Variants in ITIH4 observed in about 807,000 individuals in gnomAD.
ITIH4 encodes inter-alpha-trypsin inhibitor heavy chain H4.
ITIH4 carries 79 observed loss-of-function variants against 111.8 expected under a neutral mutation model. That is an observed-to-expected ratio of 0.71 (90% CI 0.59 to 0.85). The LOEUF (loss-of-function observed/expected upper bound fraction) is 0.85. Among genes scored for constraint, ITIH4 ranks in the 40% least tolerant of loss-of-function variants. The probability of loss-of-function intolerance (pLI) is 0.00; values close to 1 mark genes in which losing one functional copy is unlikely to be tolerated. For synonymous variants in ITIH4, 472 were observed against 468.3 expected, an observed-to-expected ratio of 1.01 and a Z score of -0.10; for missense variants, 1,065 against 1,195.8, an observed-to-expected ratio of 0.89 and a Z score of 1.61.
chr3:52,824,599 A>G lies in ITIH4; in HGVS notation c.877-34T>C. 6.3e-7 allele frequency: 1 copy of G among 1,590,336 alleles called. No homozygotes were observed. The highest frequency in any genetic ancestry group is 2.2e-5 in the East Asian group (1 of 44,576). On this transcript the variant is annotated intron_variant, in intron 7 of 23. Coordinates refer to ENST00000266041, the MANE Select transcript of ITIH4 (RefSeq NM_002218.5). This position sits in a 1 kb window ranked among gnomAD's most constrained non-coding sequence, Gnocchi z 4.3. Reference sequence around the variant, plus strand: ...GGAGAGGAAACATAGGTGCTTCAGAAGGGCTCCCTGAGGGCTCGTGTGCCC... The same window carrying G: ...GGAGAGGAAACATAGGTGCTTCAGAGGGGCTCCCTGAGGGCTCGTGTGCCC...
intron 4 of ITIH4, 36 bp downstream of exon 4, chr3:52,826,755 G>T (rs1700484912): frequency 6.2e-7 from 1 of 1,613,534 alleles, no homozygotes; most frequent in Admixed American, 1.7e-5. Context: ...CAAGGGTCAT[G>T]CAGGAGGCCT....
intron 21 of ITIH4, among the ~76,000 whole-genome samples, chr3:52,815,744 G>A (rs1296271394): frequency 6.6e-6 from 1 of 151,380 alleles, no homozygotes; most frequent in Non-Finnish European, 1.5e-5. Flanking sequence ...CCAGGCTGGA[G>A]CGCAGTGGTG....
In ITIH4 at chr3:52,830,535, C is replaced by T; in HGVS notation, c.90+18G>A. The T allele has an allele frequency of 1.9e-6, 3 of 1,611,412 alleles. No homozygotes were observed. Among genetic ancestry groups the T allele is most frequent in the Non-Finnish European group, 1.7e-6 (2 of 1,177,516 alleles). On this transcript the variant is annotated intron_variant, in intron 1 of 23. Transcript: ENST00000266041. ...CTCTCATCCCCCAGCTCACGCCACA[C>T]CCATGGACACTGGCTACCTTTTCGG...
rs200417466 is a variant in ITIH4, at chr3:52,823,968, C to T, written c.1208G>A (p.Arg403Gln). Residue 403 changes from arginine (R) to glutamine (Q), a missense_variant, in exon 10 of 24, where the codon CGG (arginine) becomes CAG (glutamine). Physicochemically the swap from Arg to Gln is conservative, Grantham distance 43. Transcript: ENST00000266041. The part of the protein sequence containing the change: ...TNPRSIQNNV[R>Q]EAVSGRYSLF... ...GCTGTACCGGCCACTTACAGCTTCC[C>T]GCACGTTATTCTGGATGCTCCTGGG... 27 of 1,586,018 alleles carry T rather than the reference C, an allele frequency of 1.7e-5. No homozygotes were observed. The highest frequency in any genetic ancestry group is 1.6e-4 in the South Asian group (14 of 85,180).
intron 11 of ITIH4, chr3:52,822,254 A>T (rs1285965519): frequency 6.6e-6 from 1 of 152,128 alleles, no homozygotes; most frequent in Non-Finnish European, 1.5e-5. Flanking sequence ...GAGGCAGGAG[A>T]ATGGTGTGAA....
chr3:52,823,756 G>C lies in ITIH4; in HGVS notation c.1354-15C>G. 1 of 1,614,022 alleles carries C rather than the reference G, an allele frequency of 6.2e-7. No individual in the cohort carries two copies. The highest frequency in any genetic ancestry group is 8.5e-7 in the Non-Finnish European group (1 of 1,179,932). On this transcript the variant is annotated splice_polypyrimidine_tract_variant and intron_variant, in intron 10 of 23. Transcript: ENST00000266041. ...TGGTAGAAGTCCTGCAGGGTTGGGG[G>C]TGTCATAAAGGCTGGGCTTTATGAC...
chr3:52,818,338 T>TGAGG (rs1332054900), intron 18 of ITIH4, 55 bp from the exon 19 acceptor site: 1 of 1,573,040 alleles, frequency 6.4e-7, no homozygotes, highest in African/African-American at 1.4e-5. Context: ...AGTGGGAGGT[T>TGAGG]GAGGGAGGGA....
intron 2 of ITIH4, among the ~76,000 whole-genome samples, chr3:52,828,496 TA>T (rs1184823480): frequency 1.3e-5 from 2 of 152,348 alleles, no homozygotes; most frequent in East Asian, 3.9e-4. Flanking sequence ...GCCCTTGTCC[TA>T]AATCACAGCT....
intron 15 of ITIH4, 36 bp from the exon 16 acceptor site, chr3:52,819,828 T>A: frequency 6.2e-7 from 1 of 1,613,098 alleles, no homozygotes; most frequent in Non-Finnish European, 8.5e-7. Flanking sequence ...ACAACTGAAC[T>A]GAGGCCCGAG....
rs777452671 is a variant in ITIH4, at chr3:52,829,147, T to G, written c.223A>C (p.Lys75Gln). 1 of 1,611,290 alleles carries G rather than the reference T, an allele frequency of 6.2e-7. No individual in the cohort carries two copies. Among genetic ancestry groups the G allele is most frequent in the East Asian group, 2.2e-5 (1 of 44,750 alleles). Reference protein sequence around the residue: ...QEATFQMELPKKAFITNFSMI... With the variant: ...QEATFQMELPQKAFITNFSMI... ...GAGAAGTTGGTGATGAAGGCTTTCT[T>G]GGGCAGCTCCATCTGGAAGGTGGCC... Residue 75 changes from lysine (K) to glutamine (Q), a missense_variant, in exon 2 of 24, where the codon AAG becomes CAG. Coordinates refer to ENST00000266041, the MANE Select transcript of ITIH4 (RefSeq NM_002218.5).
rs372455954 is a variant in ITIH4, at chr3:52,824,990, C to A, written c.760-32G>T. 3.4e-6 allele frequency: 5 copies of A among 1,478,526 alleles called. No individual in the cohort carries two copies. Among genetic ancestry groups the A allele is most frequent in the Non-Finnish European group, 3.7e-6 (4 of 1,066,932 alleles). 91.6% of individuals were successfully genotyped at this position (1,478,526 alleles called of 1,614,324 possible). On this transcript the variant is annotated intron_variant, in intron 6 of 23. Coordinates refer to ENST00000266041, the MANE Select transcript of ITIH4 (RefSeq NM_002218.5). This position sits in a 1 kb window ranked among gnomAD's most constrained non-coding sequence, Gnocchi z 4.3. ...CCAGAGTGAGACCCACCCAGGCCAT[C>A]AGAGCTACAATTGGCCCTATCCCCA...
intron 11 of ITIH4, 77 bp from the exon 12 acceptor site, chr3:52,821,207 C>G (rs1700375314): frequency 6.5e-7 from 1 of 1,539,136 alleles, no homozygotes; most frequent in Non-Finnish European, 8.8e-7. Context: ...CTGAGCTCTT[C>G]CATGATTGGG....
In ITIH4 at chr3:52,813,600, TC is replaced by T. The variant is rs1478347746; in HGVS notation, c.2724-111del. 7.3e-6 allele frequency: 7 copies of T among 958,068 alleles called. No individual in the cohort carries two copies. In the African/African-American group the frequency reaches 9.7e-5, roughly 13 times the overall value. The allele number at this position is 958,068 out of a possible 1,614,324, so 59.3% of individuals were successfully genotyped here. A position where few individuals can be genotyped will look rare whatever the true frequency, so the allele number is the denominator to read the frequency against. The stretch of plus-strand genomic sequence containing the variant: ...ACATGGAGGGCAGGGAGTCCTGGCG[TC>T]CCTTTAGAATTCCCTCCAGCATAGG... On this transcript the variant is annotated intron_variant, in intron 23 of 23. Transcript: ENST00000266041.
chr3:52,829,431 G>T (rs1205440732), intron 1 of ITIH4, 152 bp from the exon 2 acceptor site: 2 of 739,850 alleles, frequency 2.7e-6, no homozygotes, highest in African/African-American at 3.5e-5. Context: ...GCTGAACCCA[G>T]TGAGGCATCT....
chr3:52,813,418 G>A lies in ITIH4; in HGVS notation c.*3C>T. On this transcript the variant is annotated 3_prime_UTR_variant, in exon 24 of 24. Transcript: ENST00000266041. The stretch of plus-strand genomic sequence containing the variant: ...AGGGTGGGCACAGCTCCTTCCATCA[G>A]AACTACAGCTCCACAGACCAGCAGG... The A allele has an allele frequency of 6.2e-7, 1 of 1,613,972 alleles. No homozygotes were observed. Among genetic ancestry groups the A allele is most frequent in the Non-Finnish European group, 8.5e-7 (1 of 1,179,870 alleles).
At chr3:52,828,939 A>G (rs1169815105) in intron 2 of ITIH4, among the ~76,000 whole-genome samples, 180 bp downstream of exon 2, 3 of 152,178 alleles carry the variant, frequency 2.0e-5, no homozygotes, top group Non-Finnish European at 4.4e-5. Context: ...GGACGGGGGC[A>G]TCTTTGAGAA....
chr3:52,828,373 G>A (rs758686186), intron 2 of ITIH4, among the ~76,000 whole-genome samples: 59 of 152,314 alleles, frequency 3.9e-4, no homozygotes, highest in African/African-American at 1.3e-3. Context: ...GATGCTTGGC[G>A]CCTGAGGGAG....
At position 52,824,616 on chromosome 3, in the gene ITIH4, C is replaced by T. The variant is rs770518212; in HGVS notation, c.877-51G>A. ...GCTTCAGAAGGGCTCCCTGAGGGCT[C>T]GTGTGCCCTAGGGCTGGCATCCTTG... On this transcript the variant is annotated intron_variant, in intron 7 of 23. Coordinates refer to ENST00000266041, the MANE Select transcript of ITIH4 (RefSeq NM_002218.5). The surrounding 1 kb of genome is among the most constrained non-coding windows in gnomAD (Gnocchi z 4.3). The T allele has an allele frequency of 1.8e-5, 28 of 1,563,916 alleles. No individual in the cohort carries two copies. The highest frequency in any genetic ancestry group is 9.0e-5 in the East Asian group (4 of 44,438).
rs369806581 is a variant in ITIH4, at chr3:52,823,879, T to C, written c.1297A>G (p.Asn433Asp). The change falls in exon 10 of 24, where the codon AAT (asparagine) becomes GAT (aspartate). Residue 433 changes from asparagine (N) to aspartate (D), a missense_variant. Asn to Asp is a conservative substitution (Grantham distance 23, BLOSUM62 1). Transcript: ENST00000266041. ...TGGATGCGCCGGGCCAGGCCGCCAT[T>C]GTCCAGTGCCAGCTTCTCCAGGAAG... ...YAFLEKLALD[N>D]GGLARRIHED... 7 of 1,613,804 alleles carry C rather than the reference T, an allele frequency of 4.3e-6. No individual in the cohort carries two copies. Among genetic ancestry groups the C allele is most frequent in the Non-Finnish European group, 5.1e-6 (6 of 1,179,962 alleles).
Sources: gnomAD v4.1 joint callset for allele counts (sites outside exome capture counted in the v4.1 genomes callset) on GRCh38, gnomAD v4.1.1 for gene constraint, Gnocchi (gnomAD v3.1) non-coding constraint, MANE v1.5 for transcripts, NCBI Gene and HGNC (gene_info 2026-07-23, HGNC 2026-07-21) for gene names.